PLCB1: variants seen among roughly 807,000 people sequenced by gnomAD.
PLCB1 encodes 1-phosphatidylinositol 4,5-bisphosphate phosphodiesterase beta-1.
Under a neutral mutation model 161.8 loss-of-function variants are expected in PLCB1, and 46 were observed. That is an observed-to-expected ratio of 0.28 (90% CI 0.22 to 0.36). The LOEUF (loss-of-function observed/expected upper bound fraction) is 0.36. PLCB1 is among the 10% of genes least tolerant of loss of function. The pLI is 1.00. For synonymous variants in PLCB1, 517 were observed against 503.7 expected (o/e 1.03, Z -0.35); for missense variants, 1,016 against 1,472.5 (o/e 0.69, Z 5.07).
At chr20:8,691,337 A>G (rs1232843629) in intron 10 of PLCB1, among the ~76,000 whole-genome samples, 1 of 152,138 alleles carries the variant, frequency 6.6e-6, no homozygotes, top group East Asian at 1.9e-4. Context: ...TAGTTTTTAT[A>G]CTTTACAGCC....
At chr20:8,286,672 T>C (rs1178328585) in intron 2 of PLCB1, among the ~76,000 whole-genome samples, 2 of 152,208 alleles carry the variant, frequency 1.3e-5, no homozygotes, top group Non-Finnish European at 2.9e-5. Context: ...TTTTAACAAT[T>C]CAACAGTTAT....
At chr20:8,735,362 C>G (rs559009683) in intron 19 of PLCB1, among the ~76,000 whole-genome samples, 1 of 152,332 alleles carries the variant, frequency 6.6e-6, no homozygotes, top group South Asian at 2.1e-4. Flanking sequence ...GATCCCCAGA[C>G]AAGTGTAACC....
At chr20:8,541,722 G>A (rs1294648665) in intron 3 of PLCB1, among the ~76,000 whole-genome samples, 2 of 152,100 alleles carry the variant, frequency 1.3e-5, no homozygotes, top group Non-Finnish European at 2.9e-5. Context: ...GCATTACCTG[G>A]ATAAAATACA....
chr20:8,789,600 C>T, intron 30 of PLCB1, 25 bp downstream of exon 30: 1 of 1,556,316 alleles, frequency 6.4e-7, no homozygotes, highest in Non-Finnish European at 8.9e-7. Context: ...CACGCTCTCT[C>T]CTTTGCAAAA....
chr20:8,224,766 A>G (rs2123170041), intron 2 of PLCB1, among the ~76,000 whole-genome samples: 1 of 152,142 alleles, frequency 6.6e-6, no homozygotes, highest in East Asian at 1.9e-4. Context: ...CCACCACGCC[A>G]CCCCTAGAAT....
intron 3 of PLCB1, among the ~76,000 whole-genome samples, chr20:8,424,334 T>A (rs1490945897): frequency 2.0e-5 from 3 of 152,220 alleles, no homozygotes; most frequent in South Asian, 4.1e-4. Context: ...AGATAACATA[T>A]CTTTACATTT....
chr20:8,217,136 T>C (rs552321848), intron 2 of PLCB1, among the ~76,000 whole-genome samples: 1 of 152,240 alleles, frequency 6.6e-6, no homozygotes. Flanking sequence ...TCCCCAGTTA[T>C]TCCTTATTCA....
At chr20:8,429,560 G>A (rs1158685917) in intron 3 of PLCB1, among the ~76,000 whole-genome samples, 1 of 151,824 alleles carries the variant, frequency 6.6e-6, no homozygotes, top group Non-Finnish European at 1.5e-5. Flanking sequence ...CAACTAACAA[G>A]GGTGAATGAT....
intron 31 of PLCB1, among the ~76,000 whole-genome samples, chr20:8,808,053 TAAG>T (rs1481179660): frequency 3.9e-5 from 6 of 152,116 alleles, no homozygotes; most frequent in Non-Finnish European, 1.5e-5. Flanking sequence ...GAGGAGCAGA[TAAG>T]AAGGACTTCC....
intron 2 of PLCB1, among the ~76,000 whole-genome samples, chr20:8,294,139 T>C (rs2123307668): frequency 6.6e-6 from 1 of 152,238 alleles, no homozygotes; most frequent in Non-Finnish European, 1.5e-5. Context: ...AAATTATATA[T>C]TTAGAAAAAA....
intron 3 of PLCB1, among the ~76,000 whole-genome samples, chr20:8,532,514 G>T (rs1984855917): frequency 6.6e-6 from 1 of 152,116 alleles, no homozygotes. Flanking sequence ...TCCATTTGTT[G>T]TCAGCTTTCA....
Position 8,134,212 on chromosome 20 carries a change from T to C in PLCB1, c.99+1462T>C, listed in dbSNP as rs556604129. ...TCAGACGCAGATTAAATGCTTTGTGTCAGGGAAAAAAAAGACAAAGAAAAT... is the reference window on the plus strand; with the variant it reads ...TCAGACGCAGATTAAATGCTTTGTGCCAGGGAAAAAAAAGACAAAGAAAAT... On this transcript the variant is annotated intron_variant, in intron 1 of 31. Transcript: ENST00000338037. Among the ~76,000 whole-genome samples, 63 of 152,098 alleles carry C rather than the reference T, an allele frequency of 4.1e-4. No individual in the cohort carries two copies. The South Asian group carries it at 0.013, about 32-fold the overall frequency.
chr20:8,285,652 C>T (rs1216776155), intron 2 of PLCB1, among the ~76,000 whole-genome samples: 2 of 152,052 alleles, frequency 1.3e-5, no homozygotes, highest in Admixed American at 6.5e-5. Context: ...CATGACCCTC[C>T]TTGAGCAGCT....
At chr20:8,459,651 T>C (rs1308798951) in intron 3 of PLCB1, among the ~76,000 whole-genome samples, 1 of 152,236 alleles carries the variant, frequency 6.6e-6, no homozygotes, top group Non-Finnish European at 1.5e-5. Context: ...CTTGATCATG[T>C]ATATTATCTA....
chr20:8,402,411 T>C (rs1047124215), intron 3 of PLCB1, among the ~76,000 whole-genome samples: 2 of 152,226 alleles, frequency 1.3e-5, no homozygotes, highest in Non-Finnish European at 2.9e-5. Context: ...AAGCTTCCGC[T>C]GAGTGTTACA....
At chr20:8,185,367 C>T (rs1439734252) in intron 2 of PLCB1, among the ~76,000 whole-genome samples, 2 of 152,150 alleles carry the variant, frequency 1.3e-5, no homozygotes, top group East Asian at 3.9e-4. Context: ...CAGTAAGGGA[C>T]TGGTTAAATA....
chr20:8,288,137 A>G (rs1368169420), intron 2 of PLCB1, among the ~76,000 whole-genome samples: 2 of 152,100 alleles, frequency 1.3e-5, no homozygotes, highest in Non-Finnish European at 2.9e-5. Flanking sequence ...GCTGAACTTG[A>G]AGGCTGTGTT....
At chr20:8,723,369 T>G (rs1236835668) in intron 15 of PLCB1, among the ~76,000 whole-genome samples, 1 of 152,158 alleles carries the variant, frequency 6.6e-6, no homozygotes, top group Non-Finnish European at 1.5e-5. Flanking sequence ...AAATGAATGT[T>G]TCCCAGTTAA....
intron 3 of PLCB1, among the ~76,000 whole-genome samples, chr20:8,451,924 T>TA (rs1981090995): frequency 1.3e-5 from 2 of 151,796 alleles, no homozygotes; most frequent in African/African-American, 2.4e-5. Context: ...TTCACTCATC[T>TA]AAAAAAAACC....
Sources: gnomAD v4.1 joint callset for allele counts (sites outside exome capture counted in the v4.1 genomes callset) on GRCh38, gnomAD v4.1.1 for gene constraint, MANE v1.5 for transcripts, NCBI Gene and HGNC (gene_info 2026-07-23, HGNC 2026-07-21) for gene names.